ARHGAP26: variants seen among roughly 807,000 people sequenced by gnomAD.
ARHGAP26 encodes rho GTPase-activating protein 26.
A neutral mutation model predicts 104.8 loss-of-function variants in ARHGAP26; 38 were observed. The ratio of observed to expected loss-of-function variants is 0.36; its 90% CI spans 0.28 to 0.48. The LOEUF (loss-of-function observed/expected upper bound fraction) is 0.48. Among genes scored for constraint, ARHGAP26 ranks in the 20% least tolerant of loss-of-function variants. ARHGAP26 has a pLI of 0.99. For missense variants in ARHGAP26, 704 were observed against 947.9 expected (o/e 0.74, Z 3.38); for synonymous variants, 341 against 340.0 (o/e 1.00, Z -0.03).
At chr5:143,054,626 T>A in intron 15 of ARHGAP26, 100 bp downstream of exon 15, 1 of 795,786 alleles carries the variant, frequency 1.3e-6, no homozygotes, top group Non-Finnish European at 2.0e-6. Context: ...GTCGGGTGGG[T>A]GTTTGAGATG....
chr5:142,926,957 C>T (rs1490588095), intron 10 of ARHGAP26, among the ~76,000 whole-genome samples: 4 of 152,170 alleles, frequency 2.6e-5, no homozygotes, highest in African/African-American at 7.2e-5. Context: ...CCAGCATGCC[C>T]TGAGGTGTAA....
At chr5:142,902,415 T>C (rs114783994) in intron 7 of ARHGAP26, among the ~76,000 whole-genome samples, 188 of 152,316 alleles carry the variant, frequency 1.2e-3, no homozygotes, top group African/African-American at 4.2e-3. Flanking sequence ...GTGTGTGTTC[T>C]GGGAATGGGG....
chr5:143,038,013 G>A (rs1271319780), intron 13 of ARHGAP26, among the ~76,000 whole-genome samples: 2 of 152,218 alleles, frequency 1.3e-5, no homozygotes, highest in African/African-American at 4.8e-5. Flanking sequence ...CTTCTTCAGA[G>A]ACAGCCACAA....
chr5:143,177,586 C>T (rs1257981028), intron 20 of ARHGAP26, among the ~76,000 whole-genome samples: 1 of 152,192 alleles, frequency 6.6e-6, no homozygotes, highest in East Asian at 1.9e-4. Flanking sequence ...GGAAAAATTT[C>T]TGATAGGCTT....
At chr5:143,066,781 T>G (rs1204245494) in intron 17 of ARHGAP26, among the ~76,000 whole-genome samples, 1 of 152,196 alleles carries the variant, frequency 6.6e-6, no homozygotes, top group African/African-American at 2.4e-5. Context: ...TGCTTAGCAG[T>G]TTGTGTGCAT....
intron 20 of ARHGAP26, among the ~76,000 whole-genome samples, chr5:143,185,898 C>T (rs1160111494): frequency 6.6e-6 from 1 of 152,196 alleles, no homozygotes; most frequent in African/African-American, 2.4e-5. Flanking sequence ...CTTGCATCCC[C>T]GGTGGGAAGT....
chr5:143,031,977 C>T (rs577343924), intron 12 of ARHGAP26, among the ~76,000 whole-genome samples: 1 of 152,304 alleles, frequency 6.6e-6, no homozygotes, highest in South Asian at 2.1e-4. Flanking sequence ...CCAAGGCATC[C>T]TCTTCCCACG....
At chr5:142,859,601 A>G (rs984851557) in intron 1 of ARHGAP26, 5 of 152,244 alleles carry the variant, frequency 3.3e-5, no homozygotes, top group Admixed American at 1.3e-4. Flanking sequence ...TATACAATCC[A>G]TATTTCATAG....
chr5:143,186,327 G>T (rs950235880), intron 20 of ARHGAP26, among the ~76,000 whole-genome samples: 2 of 152,130 alleles, frequency 1.3e-5, no homozygotes, highest in Non-Finnish European at 2.9e-5. Context: ...AATGCCCTGT[G>T]ACTCTGTCCC....
chr5:143,094,962 A>C (rs970047810), intron 17 of ARHGAP26, among the ~76,000 whole-genome samples: 1 of 152,220 alleles, frequency 6.6e-6, no homozygotes, highest in African/African-American at 2.4e-5. Flanking sequence ...AGAATTGAAC[A>C]TACTGACATA....
At chr5:142,960,525 C>T (rs1248597977) in intron 11 of ARHGAP26, among the ~76,000 whole-genome samples, 1 of 152,236 alleles carries the variant, frequency 6.6e-6, no homozygotes, top group African/African-American at 2.4e-5. Context: ...TAGTAGCCAT[C>T]TAGGTTATCA....
intron 5 of ARHGAP26, among the ~76,000 whole-genome samples, chr5:142,893,353 A>G (rs1027825433): frequency 6.6e-6 from 1 of 152,128 alleles, no homozygotes; most frequent in African/African-American, 2.4e-5. Context: ...GCACCTACAT[A>G]TGAATAAGAA....
intron 20 of ARHGAP26, among the ~76,000 whole-genome samples, chr5:143,175,463 A>T (rs1346579347): frequency 6.6e-6 from 1 of 152,132 alleles, no homozygotes; most frequent in African/African-American, 2.4e-5. Flanking sequence ...AGTATGTAAG[A>T]TATTTTCAGA....
chr5:142,951,163 G>T (rs185793528), intron 11 of ARHGAP26, among the ~76,000 whole-genome samples: 12 of 152,130 alleles, frequency 7.9e-5, no homozygotes, highest in African/African-American at 2.9e-4. Context: ...AGGTTCAAGC[G>T]ATTCTCCTGC....
chr5:143,101,938 T>TAAA (rs1404945589), intron 17 of ARHGAP26, among the ~76,000 whole-genome samples: 5 of 151,990 alleles, frequency 3.3e-5, no homozygotes, highest in African/African-American at 9.7e-5. Flanking sequence ...CAACAGGTTC[T>TAAA]ATTTTCCTTA....
chr5:143,118,885 C>G (rs1249775485), intron 17 of ARHGAP26, among the ~76,000 whole-genome samples: 1 of 150,318 alleles, frequency 6.7e-6, no homozygotes, highest in African/African-American at 2.5e-5. Context: ...CACATGTATA[C>G]ATATGTAACA....
intron 11 of ARHGAP26, among the ~76,000 whole-genome samples, chr5:142,992,158 C>T (rs1001035591): frequency 5.9e-5 from 9 of 151,310 alleles, no homozygotes; most frequent in Admixed American, 5.3e-4. Context: ...GGTGTATTCA[C>T]CTTTGAGTGT....
rs909218808 is a variant in ARHGAP26, at chr5:142,909,018, T to C, written c.933+1214T>C. The stretch of plus-strand genomic sequence containing the variant: ...TCATTATGATAGCCCTAGCTTTGAT[T>C]TTTTTCTTTTTTAATCTATTGCTTG... On this transcript the variant is annotated intron_variant, in intron 9 of 22. Coordinates refer to ENST00000645722, the MANE Select transcript of ARHGAP26 (RefSeq NM_001135608.3). The C allele has an allele frequency of 4.5e-5, 7 of 156,926 alleles. No individual in the cohort carries two copies. In the Admixed American group the frequency reaches 4.6e-4, roughly 10 times the overall value. 9.7% of individuals were successfully genotyped at this position (156,926 alleles called of 1,614,324 possible).
chr5:142,790,198 A>T lies in ARHGAP26; in HGVS notation c.154+19283A>T, dbSNP rs550092077. On this transcript the variant is annotated intron_variant, in intron 1 of 22. Transcript: ENST00000645722. ...TGTAAAGTACCATGATGGAAATGAG[A>T]TAACACTGAGTGATGGATGGTAGAG... Among the ~76,000 whole-genome samples the T allele has an allele frequency of 3.9e-5, 6 of 152,318 alleles. No individual in the cohort carries two copies. In the East Asian group the frequency reaches 5.8e-4, roughly 15 times the overall value.
Sources: gnomAD v4.1 joint callset for allele counts (sites outside exome capture counted in the v4.1 genomes callset) on GRCh38, gnomAD v4.1.1 for gene constraint, MANE v1.5 for transcripts, NCBI Gene and HGNC (gene_info 2026-07-23, HGNC 2026-07-21) for gene names.